BRINP3: variants seen among roughly 807,000 people sequenced by gnomAD.
BRINP3 encodes BMP/retinoic acid inducible neural specific 3.
A neutral mutation model predicts 71.0 loss-of-function variants in BRINP3; 19 were observed. That is an observed-to-expected ratio of 0.27 (90% confidence interval 0.19 to 0.39). The LOEUF (loss-of-function observed/expected upper bound fraction) is 0.39, where lower values mean the gene tolerates loss of function less well. Ranked by LOEUF, BRINP3 falls within the 10% of genes least tolerant of loss-of-function variation. The pLI is 1.00. For missense variants in BRINP3, 959 were observed against 940.8 expected (o/e 1.02, Z -0.25); for synonymous variants, 380 against 337.7 (o/e 1.13, Z -1.37).
At chr1:190,252,260 A>G (rs1660216868) in intron 4 of BRINP3, among the ~76,000 whole-genome samples, 1 of 152,076 alleles carries the variant, frequency 6.6e-6, no homozygotes, top group African/African-American at 2.4e-5. Flanking sequence ...TTTACCAATT[A>G]GTTACACTGA....
At chr1:190,106,184 A>G (rs1652146619) in intron 7 of BRINP3, among the ~76,000 whole-genome samples, 1 of 151,824 alleles carries the variant, frequency 6.6e-6, no homozygotes, top group African/African-American at 2.4e-5. Flanking sequence ...ACCCCCCCAT[A>G]ATATTCATTA....
At chr1:190,328,895 C>T (rs1446596278) in intron 2 of BRINP3, among the ~76,000 whole-genome samples, 1 of 151,850 alleles carries the variant, frequency 6.6e-6, no homozygotes, top group Non-Finnish European at 1.5e-5. Flanking sequence ...TGTGATTCAC[C>T]ACATAAACAG....
intron 2 of BRINP3, among the ~76,000 whole-genome samples, chr1:190,410,992 CA>C (rs940288044): frequency 4.0e-5 from 6 of 151,080 alleles, no homozygotes; most frequent in African/African-American, 1.2e-4. Flanking sequence ...GGCAAAGGGT[CA>C]AAAAAAACCA....
At chr1:190,383,206 G>GC (rs1483962579) in intron 2 of BRINP3, among the ~76,000 whole-genome samples, 6 of 151,924 alleles carry the variant, frequency 3.9e-5, no homozygotes, top group South Asian at 4.1e-4. Flanking sequence ...TTTTTATTGA[G>GC]CCATTAGATT....
intron 2 of BRINP3, among the ~76,000 whole-genome samples, chr1:190,294,950 G>A (rs1006239504): frequency 6.6e-6 from 1 of 151,808 alleles, no homozygotes; most frequent in African/African-American, 2.4e-5. Flanking sequence ...AAAGTCCTTT[G>A]CTCTCCTCCC....
At chr1:190,264,010 C>G (rs967602535) in intron 4 of BRINP3, among the ~76,000 whole-genome samples, 4 of 152,110 alleles carry the variant, frequency 2.6e-5, no homozygotes, top group Non-Finnish European at 5.9e-5. Context: ...TTGAAACACT[C>G]CAAAATGCTC....
chr1:190,106,379 A>G (rs944966601), intron 7 of BRINP3, among the ~76,000 whole-genome samples: 3 of 151,704 alleles, frequency 2.0e-5, no homozygotes, highest in African/African-American at 7.2e-5. Context: ...TTGCATTGCA[A>G]CCTTCAAAAC....
chr1:190,257,969 A>C (rs1379398983), intron 4 of BRINP3, among the ~76,000 whole-genome samples: 1 of 152,182 alleles, frequency 6.6e-6, no homozygotes, highest in Non-Finnish European at 1.5e-5. Flanking sequence ...CAATCTGTCC[A>C]TTCTCTGAGC....
chr1:190,351,843 A>T (rs995362382), intron 2 of BRINP3, among the ~76,000 whole-genome samples: 8 of 152,136 alleles, frequency 5.3e-5, no homozygotes, highest in African/African-American at 1.9e-4. Flanking sequence ...TGAACAAATC[A>T]GTATAAGTAA....
At position 190,098,177 on chromosome 1, in the gene BRINP3, G is replaced by C; in HGVS notation, c.2142C>G (p.Ser714=). ...GATCTAGACGACGCTGACCAGGTGGGGAGAGTTTATTTACACGGTCTCTGA... is the reference window on the plus strand; with the variant it reads ...GATCTAGACGACGCTGACCAGGTGGCGAGAGTTTATTTACACGGTCTCTGA... ...LEIRDRVNKL[S]PPGQRRLDLF... The change falls in exon 8 of 8, where the codon TCC becomes TCG. Residue 714 remains serine, a synonymous_variant. Transcript: ENST00000367462. 1 of 1,614,086 alleles carries C rather than the reference G, an allele frequency of 6.2e-7. No individual in the cohort carries two copies. Among genetic ancestry groups the C allele is most frequent in the Non-Finnish European group, 8.5e-7 (1 of 1,180,018 alleles).
At position 190,373,970 on chromosome 1, in the gene BRINP3, T is replaced by C. The variant is rs1300955756; in HGVS notation, c.236+80685A>G. ...GCGTAGCCCAAGAAGCTATTACTGC[T>C]CTGGAGCCAATTGCACAGGGTTTGA... On this transcript the variant is annotated intron_variant, in intron 2 of 7. Coordinates refer to ENST00000367462, the MANE Select transcript of BRINP3 (RefSeq NM_199051.3). Among the ~76,000 whole-genome samples, 3 of 151,288 alleles carry C rather than the reference T, an allele frequency of 2.0e-5. No individual in the cohort carries two copies. The East Asian group carries it at 6.1e-4, about 31-fold the overall frequency.
intron 2 of BRINP3, among the ~76,000 whole-genome samples, chr1:190,312,690 C>T (rs892153974): frequency 2.6e-5 from 4 of 151,738 alleles, no homozygotes; most frequent in Non-Finnish European, 5.9e-5. Flanking sequence ...GATAAAATTT[C>T]TTAAATTAAA....
rs530107855 is a variant in BRINP3, at chr1:190,258,227, C to A, written c.618+6638G>T. ...CTCCCCCTGCCAGGCTACTGCCTTG[C>A]AGGTCAATCTCAGTCTGCTGCCCTA... On this transcript the variant is annotated intron_variant, in intron 4 of 7. Coordinates refer to ENST00000367462, the MANE Select transcript of BRINP3 (RefSeq NM_199051.3). 5.3e-5 allele frequency among the ~76,000 whole-genome samples: 8 copies of A among 152,302 alleles called. No homozygotes were observed. In the South Asian group the frequency reaches 1.7e-3, roughly 32 times the overall value.
chr1:190,441,088 G>T (rs958063279), intron 2 of BRINP3, among the ~76,000 whole-genome samples: 1 of 151,762 alleles, frequency 6.6e-6, no homozygotes, highest in Non-Finnish European at 1.5e-5. Flanking sequence ...TAAAATACTT[G>T]AATGTTATGG....
chr1:190,392,680 T>C (rs958150442), intron 2 of BRINP3, among the ~76,000 whole-genome samples: 1 of 151,660 alleles, frequency 6.6e-6, no homozygotes. Flanking sequence ...TTATATTTTG[T>C]CAGTAAAGGT....
At chr1:190,158,749 T>G (rs1657086834) in intron 7 of BRINP3, among the ~76,000 whole-genome samples, 1 of 149,884 alleles carries the variant, frequency 6.7e-6, no homozygotes, top group African/African-American at 2.5e-5. Context: ...AATAATAGAA[T>G]TGGTATGAAA....
chr1:190,283,266 C>T (rs1275769781), intron 2 of BRINP3, among the ~76,000 whole-genome samples: 1 of 151,998 alleles, frequency 6.6e-6, no homozygotes, highest in Non-Finnish European at 1.5e-5. Flanking sequence ...TCTCAAACTT[C>T]AGCACCTATC....
intron 2 of BRINP3, among the ~76,000 whole-genome samples, chr1:190,345,779 A>G (rs757489491): frequency 6.6e-6 from 1 of 151,092 alleles, no homozygotes; most frequent in Non-Finnish European, 1.5e-5. Context: ...TGTCTTCTTA[A>G]AATAGTAAAC....
intron 2 of BRINP3, chr1:190,302,584 T>C (rs112189751): frequency 6.6e-4 from 101 of 151,980 alleles, no homozygotes; most frequent in African/African-American, 2.4e-3. Flanking sequence ...TGATCTAACT[T>C]TGTCCAACTT....
Sources: allele counts gnomAD v4.1 joint callset (sites outside exome capture counted in the v4.1 genomes callset), GRCh38; gene constraint gnomAD v4.1.1; transcripts MANE v1.5; gene names NCBI Gene and HGNC (gene_info 2026-07-23, HGNC 2026-07-21).